The following GPC6 variants were observed in gnomAD, a reference collection of about 807,000 sequenced individuals.
GPC6 encodes the protein glypican 6.
Under a neutral mutation model 55.2 loss-of-function variants are expected in GPC6, and 14 were observed. That is an observed-to-expected ratio of 0.25 (90% CI 0.17 to 0.40). The LOEUF (loss-of-function observed/expected upper bound fraction) is 0.40, where lower values mean the gene tolerates loss of function less well. Among genes scored for constraint, GPC6 ranks in the 10% least tolerant of loss-of-function variants. The probability of loss-of-function intolerance (pLI) is 1.00; values close to 1 mark genes in which losing one functional copy is unlikely to be tolerated. For synonymous variants in GPC6, 278 were observed against 259.6 expected (o/e 1.07, Z -0.68); for missense variants, 641 against 708.5 (o/e 0.90, Z 1.08).
chr13:93,276,493 AGAGTGT>A (rs1269375258), intron 1 of GPC6, among the ~76,000 whole-genome samples: 46 of 92,998 alleles, frequency 4.9e-4, no homozygotes, highest in African/African-American at 1.8e-3. Flanking sequence ...AGAGAGAGAG[AGAGTGT>A]GTGTGTGTGT....
intron 4 of GPC6, among the ~76,000 whole-genome samples, chr13:94,178,437 T>C (rs1221129338): frequency 6.6e-6 from 1 of 152,202 alleles, no homozygotes; most frequent in African/African-American, 2.4e-5. Context: ...TGATTATGTG[T>C]AATATTAAAC....
chr13:94,339,796 T>C (rs1178708066), intron 6 of GPC6, among the ~76,000 whole-genome samples: 1 of 139,160 alleles, frequency 7.2e-6, no homozygotes, highest in Non-Finnish European at 1.5e-5. Context: ...AGAGTTTTGC[T>C]CTTGTTGCCC....
At chr13:93,381,857 A>G (rs1326365617) in intron 1 of GPC6, among the ~76,000 whole-genome samples, 1 of 152,140 alleles carries the variant, frequency 6.6e-6, no homozygotes, top group Non-Finnish European at 1.5e-5. Flanking sequence ...CAACCTAATG[A>G]CACATACATG....
chr13:94,300,527 A>G (rs767050204), intron 5 of GPC6, among the ~76,000 whole-genome samples: 7 of 152,200 alleles, frequency 4.6e-5, no homozygotes, highest in Non-Finnish European at 8.8e-5. Flanking sequence ...TCAGAATGCC[A>G]ACAGACTTCT....
At chr13:94,297,365 T>C (rs985302600) in intron 5 of GPC6, among the ~76,000 whole-genome samples, 2 of 152,098 alleles carry the variant, frequency 1.3e-5, no homozygotes, top group Non-Finnish European at 2.9e-5. Context: ...TGCAAAGTGA[T>C]CTTACAGAAC....
chr13:94,377,100 G>C (rs1301831354), intron 6 of GPC6, among the ~76,000 whole-genome samples: 3 of 150,054 alleles, frequency 2.0e-5, no homozygotes, highest in Non-Finnish European at 3.0e-5. Context: ...AAAAACCCTA[G>C]AAGAAAACCT....
chr13:94,182,130 C>G (rs757167021), intron 4 of GPC6, among the ~76,000 whole-genome samples: 19 of 152,076 alleles, frequency 1.2e-4, no homozygotes, highest in Non-Finnish European at 2.4e-4. Flanking sequence ...AAGGCAGGCC[C>G]TTAGGCCAAA....
At chr13:93,269,080 A>G (rs1566272166) in intron 1 of GPC6, among the ~76,000 whole-genome samples, 2 of 152,178 alleles carry the variant, frequency 1.3e-5, no homozygotes, top group Admixed American at 6.5e-5. Context: ...TATATAAAAT[A>G]AATTAATGTT....
intron 1 of GPC6, among the ~76,000 whole-genome samples, chr13:93,314,494 T>C (rs1879175085): frequency 1.3e-5 from 2 of 152,132 alleles, no homozygotes. Context: ...ATTCTCATGT[T>C]TTTCACACTC....
At chr13:94,136,696 C>T (rs1002702643) in intron 4 of GPC6, among the ~76,000 whole-genome samples, 10 of 151,888 alleles carry the variant, frequency 6.6e-5, no homozygotes, top group African/African-American at 1.9e-4. Flanking sequence ...GGCGACAGAG[C>T]GAGACTCCAT....
chr13:94,151,989 A>G (rs502029), intron 4 of GPC6, among the ~76,000 whole-genome samples: 86,908 of 151,772 alleles, frequency 0.57, 26,405 homozygotes, highest in Non-Finnish European at 0.66. Context: ...TCCTCCATTC[A>G]GTGTGGAAGG....
Position 94,405,921 on chromosome 13 carries a change from A to G in GPC6, c.*2704A>G, listed in dbSNP as rs745822348. On this transcript the variant is annotated 3_prime_UTR_variant, in exon 9 of 9. Transcript: ENST00000377047. ...AAATGTTTTGGCCCTAAAGGATTTCACTTAACCTAGTTACCCTATTTCAGT... is the reference window on the plus strand; with the variant it reads ...AAATGTTTTGGCCCTAAAGGATTTCGCTTAACCTAGTTACCCTATTTCAGT... 2.0e-5 allele frequency: 3 copies of G among 152,196 alleles called. No homozygotes were observed. Among genetic ancestry groups the G allele is most frequent in the Non-Finnish European group, 2.9e-5 (2 of 68,024 alleles). The allele number at this position is 152,196 out of a possible 1,614,324, so 9.4% of individuals were successfully genotyped here. A position where few individuals can be genotyped will look rare whatever the true frequency, so the allele number is the denominator to read the frequency against.
intron 2 of GPC6, among the ~76,000 whole-genome samples, chr13:93,725,752 T>G (rs1308723823): frequency 6.6e-6 from 1 of 152,076 alleles, no homozygotes; most frequent in Non-Finnish European, 1.5e-5. Context: ...GATGATTTGT[T>G]TTTAAAACTA....
In GPC6 at chr13:93,854,849, T is replaced by A. The variant is rs192926563; in HGVS notation, c.711+24304T>A. Reference sequence around the variant, plus strand: ...CCACCTAAAAGAATCTAAGTACATTTTTTTAAAAGAATAGACATTCTTTTT... The same window carrying A: ...CCACCTAAAAGAATCTAAGTACATTATTTTAAAAGAATAGACATTCTTTTT... On this transcript the variant is annotated intron_variant, in intron 3 of 8. Coordinates refer to ENST00000377047, the MANE Select transcript of GPC6 (RefSeq NM_005708.5). Among the ~76,000 whole-genome samples the A allele has an allele frequency of 6.0e-4, 91 of 151,830 alleles. 2 individuals are homozygous for A. Among genetic ancestry groups the A allele is most frequent in the Middle Eastern group, 3.4e-3 (1 of 294 alleles).
chr13:94,083,998 G>A lies in GPC6; in HGVS notation c.877+56104G>A, dbSNP rs146064308. 4.1e-3 allele frequency among the ~76,000 whole-genome samples: 622 copies of A among 152,234 alleles called. 3 individuals carry two copies. The highest frequency in any genetic ancestry group is 6.3e-3 in the Non-Finnish European group (428 of 67,990). ...ATAACTTAAACCATTTTATCCAAAC[G>A]AAAATGGCTTTCCCATTCATTACCA... On this transcript the variant is annotated intron_variant, in intron 4 of 8. Transcript: ENST00000377047.
At chr13:94,354,617 C>T (rs576772398) in intron 6 of GPC6, among the ~76,000 whole-genome samples, 4 of 152,292 alleles carry the variant, frequency 2.6e-5, no homozygotes, top group African/African-American at 9.6e-5. Context: ...TGAGCATGCC[C>T]TCAGCACAGT....
intron 1 of GPC6, among the ~76,000 whole-genome samples, chr13:93,303,341 C>T (rs2139097212): frequency 6.6e-6 from 1 of 152,282 alleles, no homozygotes; most frequent in Non-Finnish European, 1.5e-5. Flanking sequence ...TTAAGAATAC[C>T]TATCTCATGA....
rs946552061 is a variant in GPC6 at position 93,692,131 on chromosome 13, T to C, written c.320-138023T>C. 3.3e-5 allele frequency among the ~76,000 whole-genome samples: 5 copies of C among 152,104 alleles called. No homozygotes were observed. In the East Asian group the frequency reaches 9.6e-4, roughly 29 times the overall value. On this transcript the variant is annotated intron_variant, in intron 2 of 8. Transcript: ENST00000377047. ...TAAAAAGAAAACCTAGGTCAGTCTATTATCAAAATCTTATGATTTTTCTGC... is the reference window on the plus strand; with the variant it reads ...TAAAAAGAAAACCTAGGTCAGTCTACTATCAAAATCTTATGATTTTTCTGC...
intron 2 of GPC6, among the ~76,000 whole-genome samples, chr13:93,706,511 A>C (rs1388121634): frequency 6.6e-6 from 1 of 151,924 alleles, no homozygotes; most frequent in Non-Finnish European, 1.5e-5. Context: ...TTAGATAGAA[A>C]TCTTGACAGA....
Sources: allele counts gnomAD v4.1 joint callset (sites outside exome capture counted in the v4.1 genomes callset), GRCh38; gene constraint gnomAD v4.1.1; transcripts MANE v1.5; gene names NCBI Gene and HGNC (gene_info 2026-07-23, HGNC 2026-07-21).